The following TRPM2 variants were observed in gnomAD, a reference collection of about 807,000 sequenced individuals.
TRPM2 encodes transient receptor potential cation channel subfamily M member 2, also known as estrogen-responsive element-associated gene 1 protein.
Under a neutral mutation model 174.0 loss-of-function variants are expected in TRPM2, and 161 were observed. The ratio of observed to expected loss-of-function variants is 0.93; its 90% CI spans 0.81 to 1.05. TRPM2 has a LOEUF of 1.05. Among genes scored for constraint, TRPM2 ranks in the 50% least tolerant of loss-of-function variants. The probability of loss-of-function intolerance (pLI) is 0.00; values close to 1 mark genes in which losing one functional copy is unlikely to be tolerated. For synonymous variants in TRPM2, 954 were observed against 861.3 expected, an observed-to-expected ratio of 1.11 and a Z score of -1.88; for missense variants, 2,057 against 2,038.0, an observed-to-expected ratio of 1.01 and a Z score of -0.18.
chr21:44,413,859 C>A, intron 19 of TRPM2, 32 bp from the exon 20 acceptor site: 1 of 1,594,804 alleles, frequency 6.3e-7, no homozygotes, highest in Non-Finnish European at 8.6e-7. Context: ...GTGTTGTTTT[C>A]TTGGCTCACC....
chr21:44,392,999 T>A (rs557950685), intron 11 of TRPM2, among the ~76,000 whole-genome samples: 11 of 152,230 alleles, frequency 7.2e-5, no homozygotes, highest in African/African-American at 2.4e-4. Context: ...GTCTCCAACC[T>A]TATTCAAGGG....
In TRPM2 at chr21:44,357,104, C is replaced by T. The variant is rs577425881; in HGVS notation, c.254+2368C>T. On this transcript the variant is annotated intron_variant, in intron 2 of 31. Transcript: ENST00000397928. ...TTGTCTCATCCTGTGACTTAGAATGCCTTAACCGTCTGGGAAGGCAGCCCA... is the reference window on the plus strand; with the variant it reads ...TTGTCTCATCCTGTGACTTAGAATGTCTTAACCGTCTGGGAAGGCAGCCCA... 3.2e-4 allele frequency among the ~76,000 whole-genome samples: 49 copies of T among 152,280 alleles called. 1 individual carries two copies. In the Middle Eastern group the frequency reaches 0.01, roughly 32 times the overall value.
At chr21:44,363,289 A>T (rs566203037) in intron 2 of TRPM2, among the ~76,000 whole-genome samples, 3 of 152,254 alleles carry the variant, frequency 2.0e-5, no homozygotes, top group South Asian at 4.1e-4. Context: ...AACTCTGAGC[A>T]TGAATGTATG....
chr21:44,369,528 G>A (rs2048465488), intron 5 of TRPM2, among the ~76,000 whole-genome samples, 185 bp downstream of exon 5: 1 of 117,862 alleles, frequency 8.5e-6, no homozygotes, highest in South Asian at 2.7e-4. Context: ...CGGGTGCTGC[G>A]GGGAGCAGGT....
intron 29 of TRPM2, among the ~76,000 whole-genome samples, 183 bp downstream of exon 29, chr21:44,437,350 G>A (rs527976520): frequency 1.3e-5 from 2 of 152,308 alleles, no homozygotes; most frequent in African/African-American, 4.8e-5. Flanking sequence ...TTTTCCTCAT[G>A]TTGCAGTTAG....
At chr21:44,384,733 C>A (rs1347489074) in intron 9 of TRPM2, among the ~76,000 whole-genome samples, 1 of 152,126 alleles carries the variant, frequency 6.6e-6, no homozygotes, top group African/African-American at 2.4e-5. Context: ...AGCACAAAAC[C>A]TACCAAGACT....
chr21:44,398,673 G>A (rs45609432), intron 13 of TRPM2, among the ~76,000 whole-genome samples: 5,777 of 152,182 alleles, frequency 0.038, 314 homozygotes, highest in African/African-American at 0.12. Context: ...CTGTTTCTGC[G>A]TGTGGTCACA....
intron 19 of TRPM2, 66 bp downstream of exon 19, chr21:44,406,831 G>A (rs1198394745): frequency 6.5e-7 from 1 of 1,538,334 alleles, no homozygotes; most frequent in Non-Finnish European, 8.7e-7. Context: ...GCTGGAAAGG[G>A]GCCGCATGAG....
rs755543384 is a variant in TRPM2, at chr21:44,418,555, A to C, written c.3461A>C (p.Lys1154Thr). The change falls in exon 22 of 32, where the codon AAG becomes ACG. Residue 1154 changes from lysine (K) to threonine (T), a missense_variant and splice_region_variant. Transcript: ENST00000397928. ...PEQKIEDISN[K>T]VDAMVDLLDL... is the part of the protein sequence containing the mutation. ...CAGAAGATCGAGGACATCAGCAATA[A>C]GTATGGGGGCTCCGGTGGGCCTGGG... The C allele has an allele frequency of 1.2e-6, 2 of 1,613,934 alleles. No individual in the cohort carries two copies. The highest frequency in any genetic ancestry group is 1.7e-6 in the Non-Finnish European group (2 of 1,179,910).
At chr21:44,352,387 G>A (rs2123000959), upstream of TRPM2, among the ~76,000 whole-genome samples, 17 of 152,250 alleles carry the variant, frequency 1.1e-4, no homozygotes, top group African/African-American at 2.9e-4. Flanking sequence ...ACAGCAGCCC[G>A]TAGCTCAGCC....
At chr21:44,392,616 A>G (rs1011280391) in intron 11 of TRPM2, among the ~76,000 whole-genome samples, 13 of 152,058 alleles carry the variant, frequency 8.5e-5, no homozygotes, top group South Asian at 6.2e-4. Context: ...GGAACCCACA[A>G]TGTGGCCTCG....
At chr21:44,350,169 G>A (rs1275783596), upstream of TRPM2, 1 of 152,016 alleles carries the variant, frequency 6.6e-6, no homozygotes, top group African/African-American at 2.4e-5. Flanking sequence ...CCACTGCACC[G>A]GGCACGCGGC....
rs45444094 is a variant in TRPM2, at chr21:44,405,871, G to A, written c.2658-34G>A. 5.5e-4 allele frequency: 874 copies of A among 1,592,794 alleles called. 8 individuals carry two copies. The East Asian group carries it at 0.017, about 31-fold the overall frequency. On this transcript the variant is annotated intron_variant, in intron 17 of 31. Coordinates refer to ENST00000397928, the MANE Select transcript of TRPM2 (RefSeq NM_003307.4). ...GCTCTGGGGGCTGCTGTGAGCAGGT[G>A]GCTGAGATGTGTGTGCTTCTGCCCG...
intron 3 of TRPM2, among the ~76,000 whole-genome samples, chr21:44,365,341 GACCTGTCCACTCAATGCATGGTGTT>G (rs2146147784): frequency 6.6e-6 from 1 of 152,346 alleles, no homozygotes; most frequent in Non-Finnish European, 1.5e-5. Context: ...TGTCGAGTGT[GACCTGTCCACTCAATGCATGGTGTT>G]GCCATGAGGT....
At chr21:44,380,358 C>A (rs1045843414) in intron 8 of TRPM2, among the ~76,000 whole-genome samples, 1 of 152,202 alleles carries the variant, frequency 6.6e-6, no homozygotes, top group African/African-American at 2.4e-5. Context: ...CCGCTCAGCT[C>A]CCCATGTCAG....
At chr21:44,353,309 TGGA>T (rs200364744), upstream of TRPM2, 2,771 of 166,742 alleles carry the variant, frequency 0.017, 68 homozygotes, top group African/African-American at 0.049. Context: ...GTGCTGGCGG[TGGA>T]GACTTCCCTG....
At chr21:44,375,711 G>T in intron 5 of TRPM2, 122 bp from the exon 6 acceptor site, 1 of 1,178,496 alleles carries the variant, frequency 8.5e-7, no homozygotes. Context: ...TCTCCAATAA[G>T]GCCACGTCCA....
intron 27 of TRPM2, among the ~76,000 whole-genome samples, chr21:44,427,360 C>T (rs538155394): frequency 2.0e-5 from 3 of 152,164 alleles, no homozygotes; most frequent in African/African-American, 4.8e-5. Context: ...AATCTGGGGA[C>T]GTGGATTTGT....
chr21:44,401,406 T>C (rs973178870), intron 15 of TRPM2, among the ~76,000 whole-genome samples: 2 of 152,138 alleles, frequency 1.3e-5, no homozygotes, highest in East Asian at 1.9e-4. Context: ...ATTAAGGTCA[T>C]GGCCATGGGC....
Sources: allele counts gnomAD v4.1 joint callset (sites outside exome capture counted in the v4.1 genomes callset), GRCh38; gene constraint gnomAD v4.1.1; transcripts MANE v1.5; gene names NCBI Gene and HGNC (gene_info 2026-07-23, HGNC 2026-07-21).